ZNF420: variants seen among roughly 807,000 people sequenced by gnomAD.
The protein encoded by ZNF420 is zinc finger protein 420, also known as ATM and p53-associated KZNF protein.
In ZNF420, 31 loss-of-function variants were observed where a neutral mutation model predicts 44.7. The ratio of observed to expected loss-of-function variants is 0.69; its 90% CI spans 0.52 to 0.94. The LOEUF is 0.94. Among genes scored for constraint, ZNF420 ranks in the 40% least tolerant of loss-of-function variants. ZNF420 has a pLI of 0.00. For synonymous variants in ZNF420, 245 were observed against 267.4 expected, an observed-to-expected ratio of 0.92 and a Z score of 0.82; for missense variants, 681 against 827.9, an observed-to-expected ratio of 0.82 and a Z score of 2.18.
chr19:37,021,035 A>G (rs758944731), intron 1 of ZNF420, among the ~76,000 whole-genome samples: 2 of 152,234 alleles, frequency 1.3e-5, no homozygotes, highest in Non-Finnish European at 2.9e-5. Flanking sequence ...ATGACACCAA[A>G]TTTTATGTGT....
intron 1 of ZNF420, among the ~76,000 whole-genome samples, chr19:37,063,811 T>C (rs556681755): frequency 1.3e-5 from 2 of 152,336 alleles, no homozygotes; most frequent in African/African-American, 4.8e-5. Flanking sequence ...CATTTATTTG[T>C]TATGACCATC....
Position 37,070,776 on chromosome 19 carries a change from T to C in ZNF420, c.-124-9569T>C, listed in dbSNP as rs147473623. ...TTCAAATGTTAGTAAAGAGTATACA[T>C]TGGAAAATCCCCTTTGGAAAATATT... On this transcript the variant is annotated intron_variant, in intron 1 of 4. Coordinates refer to the ZNF420 transcript ENST00000587029. Among the ~76,000 whole-genome samples the C allele has an allele frequency of 1.2e-3, 187 of 152,308 alleles. 1 individual carries two copies. Among genetic ancestry groups the C allele is most frequent in the Non-Finnish European group, 2.2e-3 (150 of 68,008 alleles).
In ZNF420 at chr19:37,129,054, T is replaced by G; in HGVS notation, c.2063T>G (p.Met688Arg). Reference protein sequence around the residue: ...IDFSHGSQVYM With the variant: ...IDFSHGSQVYR Reference sequence around the variant, plus strand: ...TTTAGTCATGGCTCACAAGTTTACATGTGAATTGTCTGATTATTTGAGATC... The same window carrying G: ...TTTAGTCATGGCTCACAAGTTTACAGGTGAATTGTCTGATTATTTGAGATC... The change falls in exon 5 of 5, where the codon ATG (methionine) becomes AGG (arginine). Residue 688 changes from methionine to arginine, a missense_variant. Transcript: ENST00000337995. 1 of 1,608,406 alleles carries G rather than the reference T, an allele frequency of 6.2e-7. No individual in the cohort carries two copies. Among genetic ancestry groups the G allele is most frequent in the Non-Finnish European group, 8.5e-7 (1 of 1,175,754 alleles).
chr19:37,019,018 T>C (rs1424590631), intron 1 of ZNF420, among the ~76,000 whole-genome samples: 1 of 151,938 alleles, frequency 6.6e-6, no homozygotes, highest in Non-Finnish European at 1.5e-5. Flanking sequence ...AACAGACAAG[T>C]TGAAATTCAT....
intron 4 of ZNF420, among the ~76,000 whole-genome samples, chr19:37,102,658 C>G (rs951221596): frequency 1.3e-5 from 2 of 152,190 alleles, no homozygotes; most frequent in African/African-American, 4.8e-5. Context: ...TTGGGCTTTA[C>G]TCAAGTTTTA....
chr19:37,055,355 C>T (rs958505199), intron 1 of ZNF420, among the ~76,000 whole-genome samples: 3 of 152,200 alleles, frequency 2.0e-5, no homozygotes, highest in African/African-American at 7.2e-5. Context: ...CAATGCACTG[C>T]AGCCTGAGAG....
chr19:37,032,018 C>G (rs556664253), intron 1 of ZNF420, among the ~76,000 whole-genome samples: 3 of 152,012 alleles, frequency 2.0e-5, no homozygotes, highest in Non-Finnish European at 2.9e-5. Flanking sequence ...CCAGACCAGC[C>G]GGGCCAACAT....
intron 4 of ZNF420, among the ~76,000 whole-genome samples, chr19:37,111,948 C>T (rs1329983887): frequency 6.6e-6 from 1 of 152,088 alleles, no homozygotes; most frequent in South Asian, 2.1e-4. Context: ...TAACATTCGC[C>T]ATCTGCTGGA....
intron 4 of ZNF420, among the ~76,000 whole-genome samples, chr19:37,113,284 A>G (rs1970481926): frequency 6.6e-6 from 1 of 152,154 alleles, no homozygotes; most frequent in Non-Finnish European, 1.5e-5. Context: ...GAGGCTGGGC[A>G]ATTCTTTTTT....
At position 37,091,026 on chromosome 19, in the gene ZNF420, A is replaced by T. The variant is rs1310993552; in HGVS notation, c.41A>T (p.Asp14Val). Reference protein sequence around the residue: ...KLVMFRDVAIDFSQEEWECLD... With the variant: ...KLVMFRDVAIVFSQEEWECLD... ...GTGATGTTCAGGGATGTTGCCATTG[A>T]CTTCTCTCAGGAAGAGTGGGAATGC... The change falls in exon 4 of 5, where the codon GAC becomes GTC. Residue 14 changes from aspartate (D) to valine (V), a missense_variant. Coordinates refer to ENST00000337995, the MANE Select transcript of ZNF420 (RefSeq NM_144689.5). 2 of 1,613,514 alleles carry T rather than the reference A, an allele frequency of 1.2e-6. No individual in the cohort carries two copies. Among genetic ancestry groups the T allele is most frequent in the South Asian group, 1.1e-5 (1 of 90,816 alleles).
At chr19:37,087,859 A>G (rs1481805766) in intron 2 of ZNF420, among the ~76,000 whole-genome samples, 7 of 152,078 alleles carry the variant, frequency 4.6e-5, no homozygotes, top group Non-Finnish European at 5.9e-5. Context: ...GTTAGCCAGG[A>G]TGGTCTAGAT....
At chr19:37,112,369 TG>T (rs1471869454) in intron 4 of ZNF420, among the ~76,000 whole-genome samples, 1 of 152,114 alleles carries the variant, frequency 6.6e-6, no homozygotes, top group East Asian at 1.9e-4. Context: ...TAACGGGAAT[TG>T]AAGTAATCAT....
chr19:37,116,035 T>C (rs1214014288), intron 4 of ZNF420, among the ~76,000 whole-genome samples: 1 of 151,648 alleles, frequency 6.6e-6, no homozygotes, highest in Admixed American at 6.6e-5. Flanking sequence ...AGGTTGGGGG[T>C]AGGGTTACAG....
chr19:37,031,521 T>C (rs915177583), intron 1 of ZNF420, among the ~76,000 whole-genome samples: 1 of 152,062 alleles, frequency 6.6e-6, no homozygotes, highest in Non-Finnish European at 1.5e-5. Flanking sequence ...CTTTATTTTT[T>C]TGGACACGGA....
chr19:37,054,719 A>G (rs937236017), intron 1 of ZNF420, among the ~76,000 whole-genome samples: 2 of 152,234 alleles, frequency 1.3e-5, no homozygotes, highest in African/African-American at 4.8e-5. Context: ...ATGCGCTGCC[A>G]TGCCTGCCAT....
In ZNF420 at chr19:37,127,977, A is replaced by G. The variant is rs754425382; in HGVS notation, c.986A>G (p.His329Arg). ...CAGCTTTCTCAACATCAGAAAATTC[A>G]TAATGGGGAAAAACCATATGAATGT... ...GSQLSQHQKI[H>R]NGEKPYECKE... Residue 329 changes from histidine (H) to arginine (R), a missense_variant, in exon 5 of 5, where the codon CAT becomes CGT. His to Arg is a conservative substitution (Grantham distance 29, BLOSUM62 0). Transcript: ENST00000337995. 1 of 1,614,104 alleles carries G rather than the reference A, an allele frequency of 6.2e-7. No individual in the cohort carries two copies. Among genetic ancestry groups the G allele is most frequent in the East Asian group, 2.2e-5 (1 of 44,872 alleles).
intron 1 of ZNF420, among the ~76,000 whole-genome samples, chr19:37,027,781 A>G (rs117306027): frequency 6.6e-6 from 1 of 152,316 alleles, no homozygotes; most frequent in East Asian, 1.9e-4. Context: ...ATTCCTGAAG[A>G]ATATTCCATT....
chr19:37,056,481 G>A (rs892975053), intron 1 of ZNF420, among the ~76,000 whole-genome samples: 1 of 152,128 alleles, frequency 6.6e-6, no homozygotes, highest in African/African-American at 2.4e-5. Context: ...CCTTGGACTC[G>A]CCCCTGTCCC....
chr19:37,057,480 C>G (rs1423261413), intron 1 of ZNF420, among the ~76,000 whole-genome samples: 1 of 151,796 alleles, frequency 6.6e-6, no homozygotes, highest in Non-Finnish European at 1.5e-5. Flanking sequence ...GTCTCTCACT[C>G]TCTGTCTGTT....
Sources: allele counts gnomAD v4.1 joint callset (sites outside exome capture counted in the v4.1 genomes callset), GRCh38; gene constraint gnomAD v4.1.1; transcripts MANE v1.5; gene names NCBI Gene and HGNC (gene_info 2026-07-23, HGNC 2026-07-21).